HCRTR2: variants seen among roughly 807,000 people sequenced by gnomAD.
HCRTR2 encodes orexin receptor type 2.
In HCRTR2, 22 loss-of-function variants were observed where a neutral mutation model predicts 49.0. That is an observed-to-expected ratio of 0.45 (90% CI 0.32 to 0.64). HCRTR2 has a LOEUF of 0.64. HCRTR2 is among the 30% of genes least tolerant of loss of function. The pLI is 0.04. For missense variants in HCRTR2, 491 were observed against 559.4 expected (o/e 0.88, Z 1.23); for synonymous variants, 236 against 205.3 (o/e 1.15, Z -1.28).
intron 1 of HCRTR2, among the ~76,000 whole-genome samples, chr6:55,122,936 G>T (rs1241344442): frequency 7.4e-6 from 1 of 134,834 alleles, no homozygotes; most frequent in East Asian, 2.4e-4. Flanking sequence ...TTGGACACAA[G>T]AAGGGGAACA....
At chr6:55,171,491 T>C (rs1200253414), upstream of HCRTR2, among the ~76,000 whole-genome samples, 2 of 152,102 alleles carry the variant, frequency 1.3e-5, no homozygotes, top group African/African-American at 2.4e-5. Context: ...TATCAAAAGA[T>C]CTAAGGAAGA....
chr6:55,137,398 A>G (rs1013070951), intron 1 of HCRTR2, among the ~76,000 whole-genome samples: 4 of 152,212 alleles, frequency 2.6e-5, no homozygotes, highest in Non-Finnish European at 5.9e-5. Flanking sequence ...TTTTAGGTGC[A>G]TCTAACTGAA....
Position 55,247,293 on chromosome 6 carries a change from G to A in HCRTR2, c.224-1346G>A, listed in dbSNP as rs546658451. ...CGTGAGAGTTAGAGGACAATGTGAA[G>A]TTTTCAAAATTAAATCCTCTGAAAT... On this transcript the variant is annotated intron_variant, in intron 1 of 6. Transcript: ENST00000370862. 2.6e-5 allele frequency among the ~76,000 whole-genome samples: 4 copies of A among 152,186 alleles called. No homozygotes were observed. The South Asian group carries it at 8.3e-4, about 32-fold the overall frequency.
intron 2 of HCRTR2, among the ~76,000 whole-genome samples, chr6:55,252,351 T>C (rs1425543959): frequency 3.3e-5 from 5 of 152,162 alleles, no homozygotes; most frequent in African/African-American, 1.2e-4. Context: ...ATGACATTGA[T>C]ATTTGAACCA....
At chr6:55,180,805 A>T (rs887604775) in intron 1 of HCRTR2, among the ~76,000 whole-genome samples, 4 of 145,306 alleles carry the variant, frequency 2.8e-5, no homozygotes, top group South Asian at 4.3e-4. Flanking sequence ...ACTTTTTTTA[A>T]TTTTTTTTTT....
intron 1 of HCRTR2, among the ~76,000 whole-genome samples, chr6:55,225,101 T>C (rs936287157): frequency 1.3e-5 from 2 of 152,170 alleles, no homozygotes; most frequent in South Asian, 4.1e-4. Context: ...TAAAACATCA[T>C]GTTGTACATG....
At chr6:55,176,071 G>C (rs868500283) in intron 1 of HCRTR2, among the ~76,000 whole-genome samples, 2 of 152,230 alleles carry the variant, frequency 1.3e-5, no homozygotes, top group African/African-American at 2.4e-5. Flanking sequence ...AAATTATCAG[G>C]CTTTCAGACT....
chr6:55,181,062 T>C (rs1378477390), intron 1 of HCRTR2, among the ~76,000 whole-genome samples: 1 of 151,756 alleles, frequency 6.6e-6, no homozygotes, highest in Admixed American at 6.6e-5. Context: ...CACCTCAGCC[T>C]CCCAAAATGC....
At chr6:55,207,715 T>C (rs899775345) in intron 1 of HCRTR2, among the ~76,000 whole-genome samples, 2 of 152,150 alleles carry the variant, frequency 1.3e-5, no homozygotes, top group Non-Finnish European at 2.9e-5. Flanking sequence ...ACCAGGGCCA[T>C]TGTAGCAAAT....
intron 1 of HCRTR2, among the ~76,000 whole-genome samples, chr6:55,215,097 A>C (rs897029284): frequency 2.0e-5 from 3 of 152,196 alleles, no homozygotes; most frequent in Non-Finnish European, 2.9e-5. Flanking sequence ...CCTGCAACTA[A>C]GATGAACCCA....
intron 4 of HCRTR2, among the ~76,000 whole-genome samples, chr6:55,265,799 G>A (rs1184358365): frequency 1.3e-5 from 2 of 152,054 alleles, no homozygotes; most frequent in African/African-American, 2.4e-5. Context: ...TTTTGTAAAT[G>A]GCTTAAATTT....
chr6:55,162,646 G>T (rs1026479265), intron 1 of HCRTR2, among the ~76,000 whole-genome samples: 2 of 152,136 alleles, frequency 1.3e-5, no homozygotes, highest in African/African-American at 4.8e-5. Flanking sequence ...AAAGTCTCAG[G>T]ATACAAAATC....
intron 1 of HCRTR2, among the ~76,000 whole-genome samples, chr6:55,219,637 C>T (rs1338715392): frequency 6.6e-6 from 1 of 151,918 alleles, no homozygotes; most frequent in Non-Finnish European, 1.5e-5. Flanking sequence ...CCTAACTTTA[C>T]ACCTCAGAAG....
chr6:55,215,691 A>C (rs1445219577), intron 1 of HCRTR2, among the ~76,000 whole-genome samples: 1 of 152,234 alleles, frequency 6.6e-6, no homozygotes, highest in Non-Finnish European at 1.5e-5. Flanking sequence ...TGTGGAGGGG[A>C]GAAGTCAAAG....
chr6:55,207,482 C>T (rs1369235523), intron 1 of HCRTR2, among the ~76,000 whole-genome samples: 1 of 151,960 alleles, frequency 6.6e-6, no homozygotes, highest in Non-Finnish European at 1.5e-5. Flanking sequence ...TAAGCCTCAC[C>T]ATTTGAAGTA....
At chr6:55,181,223 T>C (rs1765128863) in intron 1 of HCRTR2, among the ~76,000 whole-genome samples, 1 of 152,176 alleles carries the variant, frequency 6.6e-6, no homozygotes, top group Non-Finnish European at 1.5e-5. Flanking sequence ...ATACTGACTT[T>C]GAAAGAGTTT....
chr6:55,221,604 A>G (rs3122161), intron 1 of HCRTR2, among the ~76,000 whole-genome samples: 10,276 of 151,954 alleles, frequency 0.068, 459 homozygotes, highest in African/African-American at 0.13. Context: ...ACGAGGTCAG[A>G]AGATCGAGAC....
intron 1 of HCRTR2, among the ~76,000 whole-genome samples, chr6:55,146,336 G>A (rs1016681463): frequency 2.0e-5 from 3 of 152,018 alleles, no homozygotes; most frequent in East Asian, 1.9e-4. Context: ...TTGTATAGTA[G>A]CAAACAAATG....
At chr6:55,182,232 C>G (rs868039264) in intron 1 of HCRTR2, among the ~76,000 whole-genome samples, 5 of 152,196 alleles carry the variant, frequency 3.3e-5, no homozygotes, top group Admixed American at 1.3e-4. Flanking sequence ...TGACCGCCCC[C>G]GGGCCCCGGC....
Sources: gnomAD v4.1 joint callset for allele counts (sites outside exome capture counted in the v4.1 genomes callset) on GRCh38, gnomAD v4.1.1 for gene constraint, MANE v1.5 for transcripts, NCBI Gene and HGNC (gene_info 2026-07-23, HGNC 2026-07-21) for gene names.